The following PRKN variants were observed in gnomAD, a reference collection of about 807,000 sequenced individuals.
PRKN encodes E3 ubiquitin-protein ligase parkin.
In PRKN, 56 loss-of-function variants were observed where a neutral mutation model predicts 59.5. The ratio of observed to expected loss-of-function variants is 0.94; its 90% CI spans 0.76 to 1.18. The LOEUF is 1.18. PRKN is among the 50% of genes most tolerant of loss of function. PRKN has a pLI of 0.00. For missense variants in PRKN, 657 were observed against 596.4 expected (o/e 1.10, Z -1.06); for synonymous variants, 250 against 222.1 (o/e 1.13, Z -1.12).
intron 2 of PRKN, among the ~76,000 whole-genome samples, chr6:162,350,493 A>G (rs1764696343): frequency 6.6e-6 from 1 of 152,218 alleles, no homozygotes; most frequent in African/African-American, 2.4e-5. Flanking sequence ...AAATAGATCA[A>G]TAGAACAGAA....
intron 6 of PRKN, among the ~76,000 whole-genome samples, chr6:161,945,748 T>G (rs1779754305): frequency 6.6e-6 from 1 of 152,204 alleles, no homozygotes; most frequent in Non-Finnish European, 1.5e-5. Flanking sequence ...ACTTCGAGAT[T>G]CAGTTCAGCT....
intron 3 of PRKN, among the ~76,000 whole-genome samples, chr6:162,245,043 G>A (rs949433725): frequency 7.2e-5 from 11 of 151,958 alleles, no homozygotes; most frequent in African/African-American, 2.7e-4. Context: ...ATGGTTGCAG[G>A]GAGCAAAGTA....
intron 3 of PRKN, among the ~76,000 whole-genome samples, chr6:162,214,930 T>C (rs1182315342): frequency 2.6e-5 from 4 of 152,222 alleles, no homozygotes; most frequent in African/African-American, 7.2e-5. Context: ...AGCTTGGAGT[T>C]GTCTCTCAAT....
At position 161,864,596 on chromosome 6, in the gene PRKN, A is replaced by G. The variant is rs534012145; in HGVS notation, c.735-78688T>C. Among the ~76,000 whole-genome samples, 9 of 152,222 alleles carry G rather than the reference A, an allele frequency of 5.9e-5. No homozygotes were observed. In the South Asian group the frequency reaches 1.7e-3, roughly 28 times the overall value. Reference sequence around the variant, plus strand: ...CCATGAATCATGAATCGTTTTAATGACATCTAGAATGGTGAATTCTTTCCA... The same window carrying G: ...CCATGAATCATGAATCGTTTTAATGGCATCTAGAATGGTGAATTCTTTCCA... On this transcript the variant is annotated intron_variant, in intron 6 of 11. Transcript: ENST00000366898.
intron 9 of PRKN, among the ~76,000 whole-genome samples, chr6:161,540,283 T>G: frequency 6.6e-6 from 1 of 152,214 alleles, no homozygotes; most frequent in South Asian, 2.1e-4. Context: ...AATATTTTAT[T>G]TATCATTATA....
rs569485835 is a variant in PRKN at position 161,409,181 on chromosome 6, T to C, written c.1084-22304A>G. Among the ~76,000 whole-genome samples the C allele has an allele frequency of 5.9e-5, 9 of 152,240 alleles. No individual in the cohort carries two copies. The highest frequency in any genetic ancestry group is 1.3e-4 in the Non-Finnish European group (9 of 68,024). On this transcript the variant is annotated intron_variant, in intron 9 of 11. Transcript: ENST00000366898. The surrounding 1 kb of genome is among the most constrained non-coding windows in gnomAD (Gnocchi z 4.6). ...GGCTGGTCTCGAACTCCTGACCTTG[T>C]GATCCACCCGCACTGGACTCCCAAA...
intron 7 of PRKN, among the ~76,000 whole-genome samples, chr6:161,652,652 A>G (rs1784192749): frequency 6.6e-6 from 1 of 152,224 alleles, no homozygotes; most frequent in Admixed American, 6.5e-5. Flanking sequence ...AAATTAAGAA[A>G]TAACTTATGT....
At position 161,447,695 on chromosome 6, in the gene PRKN, G is replaced by A. The variant is rs573893278; in HGVS notation, c.1084-60818C>T. 1.8e-4 allele frequency among the ~76,000 whole-genome samples: 28 copies of A among 152,224 alleles called. No individual in the cohort carries two copies. The highest frequency in any genetic ancestry group is 5.2e-4 in the Admixed American group (8 of 15,282). ...TTTTTAGTAGACACAGCGTTTCACCGTGTAAGCTAGGATGGTCTCGATCTC... is the reference window on the plus strand; with the variant it reads ...TTTTTAGTAGACACAGCGTTTCACCATGTAAGCTAGGATGGTCTCGATCTC... On this transcript the variant is annotated intron_variant, in intron 9 of 11. Coordinates refer to ENST00000366898, the MANE Select transcript of PRKN (RefSeq NM_004562.3). The surrounding 1 kb of genome is among the most constrained non-coding windows in gnomAD (Gnocchi z 4.1).
chr6:162,400,188 CAG>C (rs950459978), intron 2 of PRKN, among the ~76,000 whole-genome samples: 2 of 150,034 alleles, frequency 1.3e-5, no homozygotes, highest in Non-Finnish European at 3.0e-5. Flanking sequence ...GCCTGGGTGA[CAG>C]AGCAAGACTC....
intron 7 of PRKN, among the ~76,000 whole-genome samples, chr6:161,658,015 C>CAAAAAAAAAAAAA (rs60685690): frequency 3.1e-4 from 19 of 61,808 alleles, no homozygotes; most frequent in African/African-American, 3.8e-4. Context: ...GACTCTGTCT[C>CAAAAAAAAAAAAA]AAAAAAAAAA....
intron 5 of PRKN, among the ~76,000 whole-genome samples, chr6:162,019,465 A>T (rs1297463912): frequency 6.6e-6 from 1 of 152,192 alleles, no homozygotes; most frequent in African/African-American, 2.4e-5. Flanking sequence ...GTTCAAAACA[A>T]GTCTCCCAGC....
chr6:161,808,234 A>G, intron 6 of PRKN, among the ~76,000 whole-genome samples: 1 of 152,240 alleles, frequency 6.6e-6, no homozygotes, highest in East Asian at 1.9e-4. Context: ...TTCTAATAAT[A>G]TTTAAATTTT....
chr6:162,349,089 A>AT (rs1381182389), intron 2 of PRKN, among the ~76,000 whole-genome samples: 1 of 152,192 alleles, frequency 6.6e-6, no homozygotes, highest in African/African-American at 2.4e-5. Flanking sequence ...GAAGAGACTG[A>AT]TTTTGTAAAA....
chr6:162,523,998 C>T (rs13205279), intron 1 of PRKN, among the ~76,000 whole-genome samples: 13,572 of 152,004 alleles, frequency 0.089, 733 homozygotes, highest in Middle Eastern at 0.17. Context: ...TGCTGGTGAC[C>T]TTGGAGAAGT....
At chr6:162,301,178 T>C (rs1020081140) in intron 2 of PRKN, among the ~76,000 whole-genome samples, 5 of 152,188 alleles carry the variant, frequency 3.3e-5, no homozygotes, top group Non-Finnish European at 7.3e-5. Flanking sequence ...ATATGCACTA[T>C]GATTTCTCCT....
intron 2 of PRKN, among the ~76,000 whole-genome samples, chr6:162,361,652 TA>T (rs1162434386): frequency 6.6e-6 from 1 of 152,212 alleles, no homozygotes; most frequent in Non-Finnish European, 1.5e-5. Context: ...GCTTGTCTTT[TA>T]ATTATTCTTT....
chr6:161,891,631 C>T (rs934754845), intron 6 of PRKN, among the ~76,000 whole-genome samples: 1 of 152,156 alleles, frequency 6.6e-6, no homozygotes, highest in African/African-American at 2.4e-5. Context: ...TTCCTCCCAA[C>T]CTTTGAAGGA....
At chr6:161,493,548 C>T (rs368402436) in intron 9 of PRKN, among the ~76,000 whole-genome samples, 26 of 152,220 alleles carry the variant, frequency 1.7e-4, no homozygotes, top group Admixed American at 7.9e-4. Flanking sequence ...GATAGATGGA[C>T]GAACGGAAGG....
At chr6:161,767,928 A>G (rs1426100245) in intron 7 of PRKN, among the ~76,000 whole-genome samples, 1 of 152,178 alleles carries the variant, frequency 6.6e-6, no homozygotes, top group East Asian at 1.9e-4. Context: ...TAGTGATGGC[A>G]TTCCTGAAAA....
Sources: allele counts gnomAD v4.1 joint callset (sites outside exome capture counted in the v4.1 genomes callset), GRCh38; gene constraint gnomAD v4.1.1; non-coding constraint Gnocchi (gnomAD v3.1); transcripts MANE v1.5; gene names NCBI Gene and HGNC (gene_info 2026-07-23, HGNC 2026-07-21).